Variants in CLEC1A observed in about 807,000 individuals in gnomAD.
CLEC1A encodes C-type lectin domain family 1 member A, also known as C-type lectin-like receptor-1.
Under a neutral mutation model 28.7 loss-of-function variants are expected in CLEC1A, and 34 were observed. That is an observed-to-expected ratio of 1.18 (90% CI 0.90 to 1.57). The LOEUF is 1.57. Among genes scored for constraint, CLEC1A ranks in the 40% most tolerant of loss-of-function variants. The pLI, the probability that CLEC1A is intolerant of heterozygous loss-of-function variation, is 0.00. For missense variants in CLEC1A, 385 were observed against 339.5 expected (o/e 1.13, Z -1.05); for synonymous variants, 116 against 121.0 (o/e 0.96, Z 0.27).
Position 10,098,977 on chromosome 12 carries a change from G to A in CLEC1A, c.-55C>T. The stretch of plus-strand genomic sequence containing the variant: ...GTGGTCGGATTGCCCTGGGCCGCCG[G>A]GCTACTGTGAGCTAGTTCAGGAAGC... On this transcript the variant is annotated 5_prime_UTR_variant, in exon 1 of 6. Coordinates refer to ENST00000315330, the MANE Select transcript of CLEC1A (RefSeq NM_016511.4). 7.5e-7 allele frequency: 1 copy of A among 1,328,922 alleles called. No homozygotes were observed. The highest frequency in any genetic ancestry group is 2.4e-5 in the East Asian group (1 of 40,998). The allele number at this position is 1,328,922 out of a possible 1,614,324, so 82.3% of individuals were successfully genotyped here.
intron 2 of CLEC1A, among the ~76,000 whole-genome samples, chr12:10,082,840 C>T (rs1866400307): frequency 6.6e-6 from 1 of 152,228 alleles, no homozygotes. Context: ...CCTGGCTAAC[C>T]AGAGGTCCTG....
At chr12:10,097,914 T>C (rs374305068) in intron 1 of CLEC1A, among the ~76,000 whole-genome samples, 1 of 9,432 alleles carries the variant, frequency 1.1e-4, no homozygotes, top group Admixed American at 5.0e-4. Context: ...GGTAGTTTAG[T>C]TAAAAAAAAA....
chr12:10,075,359 G>T, intron 4 of CLEC1A, 145 bp downstream of exon 4: 1 of 737,364 alleles, frequency 1.4e-6, no homozygotes. Context: ...ACCGTTCAAA[G>T]CAATAGGAAT....
chr12:10,075,638 A>C lies in CLEC1A; in HGVS notation c.409T>G (p.Cys137Gly). 6.2e-7 allele frequency: 1 copy of C among 1,613,896 alleles called. No individual in the cohort carries two copies. Residue 137 changes from cysteine to glycine, a missense_variant, in exon 4 of 6, where the codon TGT (cysteine) becomes GGT (glycine). Coordinates refer to ENST00000315330, the MANE Select transcript of CLEC1A (RefSeq NM_016511.4). Reference protein sequence around the residue: ...NKAGAHRCSPCTEQWKWHGDN... With the variant: ...NKAGAHRCSPGTEQWKWHGDN... ...CCATGCCATTTCCATTGTTCTGTAC[A>C]AGGGCTGCACCTGTGTGCTTGGAAA...
At chr12:10,073,211 A>C in intron 5 of CLEC1A, 82 bp downstream of exon 5, 1 of 995,264 alleles carries the variant, frequency 1.0e-6, no homozygotes, top group Non-Finnish European at 1.6e-6. Context: ...TTAATACTTG[A>C]TGGACCAAAT....
rs535626443 is a variant in CLEC1A at position 10,071,629 on chromosome 12, C to G, written c.663-116G>C. On this transcript the variant is annotated intron_variant, in intron 5 of 5. Transcript: ENST00000315330. ...AGTCTAGATACCAGAATAAGTTTAC[C>G]GGGAAACTGGGGTCATGTGCCTCTT... 4.8e-6 allele frequency: 4 copies of G among 840,600 alleles called. No homozygotes were observed. In the East Asian group the frequency reaches 9.2e-5, roughly 19 times the overall value. The allele number at this position is 840,600 out of a possible 1,614,324, so 52.1% of individuals were successfully genotyped here.
chr12:10,097,915 T>TAAAAAAAAAAAAAAAA lies in CLEC1A; in HGVS notation c.115+892_115+893insTTTTTTTTTTTTTTTT, dbSNP rs11453815. On this transcript the variant is annotated intron_variant, in intron 1 of 5. Coordinates refer to ENST00000315330, the MANE Select transcript of CLEC1A (RefSeq NM_016511.4). ...TTAACAGCTTACTGGGTAGTTTAGT[T>TAAAAAAAAAAAAAAAA]AAAAAAAAAAAAAGCCATATTAGTA... 3.4e-5 allele frequency among the ~76,000 whole-genome samples: 4 copies of TAAAAAAAAAAAAAAAA among 117,878 alleles called. 2 individuals are homozygous for TAAAAAAAAAAAAAAAA. The highest frequency in any genetic ancestry group is 6.3e-5 in the African/African-American group (2 of 31,648). 77.3% of individuals were successfully genotyped at this position (117,878 alleles called of 152,430 possible).
intron 2 of CLEC1A, among the ~76,000 whole-genome samples, chr12:10,081,686 C>T (rs1866375715): frequency 6.6e-6 from 1 of 150,434 alleles, no homozygotes; most frequent in Non-Finnish European, 1.5e-5. Flanking sequence ...GACAACAGAA[C>T]AGGGTGAGGA....
chr12:10,075,867 A>G (rs1866242343), intron 3 of CLEC1A, among the ~76,000 whole-genome samples: 1 of 152,200 alleles, frequency 6.6e-6, no homozygotes, highest in Non-Finnish European at 1.5e-5. Flanking sequence ...AAATTAAAAC[A>G]GACACTAATT....
At chr12:10,096,298 A>G in intron 1 of CLEC1A, among the ~76,000 whole-genome samples, 1 of 152,180 alleles carries the variant, frequency 6.6e-6, no homozygotes, top group African/African-American at 2.4e-5. Context: ...GAACCTAGTC[A>G]ACCTACCACC....
intron 4 of CLEC1A, among the ~76,000 whole-genome samples, chr12:10,073,884 G>A (rs1271214945): frequency 6.6e-6 from 1 of 152,160 alleles, no homozygotes; most frequent in Non-Finnish European, 1.5e-5. Context: ...TCTTAGACTA[G>A]GAAGAGAAGA....
chr12:10,075,399 G>A (rs1045497632), intron 4 of CLEC1A, 105 bp downstream of exon 4: 18 of 1,263,110 alleles, frequency 1.4e-5, no homozygotes, highest in Middle Eastern at 5.1e-4. Context: ...AAACAGGTTC[G>A]AAAACCTGTG....
chr12:10,072,017 T>C (rs1202738353), intron 5 of CLEC1A, among the ~76,000 whole-genome samples: 3 of 152,160 alleles, frequency 2.0e-5, no homozygotes, highest in East Asian at 3.9e-4. Flanking sequence ...TTAGTTGAAA[T>C]GTTATCCCCA....
intron 1 of CLEC1A, among the ~76,000 whole-genome samples, chr12:10,090,716 C>T (rs10772234): frequency 0.8 from 120,971 of 152,038 alleles, 49,361 homozygotes; most frequent in Middle Eastern, 0.88. Flanking sequence ...CATACTGATA[C>T]ATTTTTAAAT....
At chr12:10,095,354 C>A (rs536324896) in intron 1 of CLEC1A, among the ~76,000 whole-genome samples, 19 of 109,692 alleles carry the variant, frequency 1.7e-4, no homozygotes, top group Admixed American at 1.3e-3. Context: ...AATTTAGTCT[C>A]TGGCAGGAAT....
At chr12:10,088,365 T>C (rs1345192503) in intron 2 of CLEC1A, among the ~76,000 whole-genome samples, 1 of 152,062 alleles carries the variant, frequency 6.6e-6, no homozygotes, top group Non-Finnish European at 1.5e-5. Flanking sequence ...AGTATTAAAA[T>C]TCCTATAAAA....
At position 10,071,489 on chromosome 12, in the gene CLEC1A, G is replaced by A. The variant is rs753580135; in HGVS notation, c.687C>T (p.Thr229=). 2.9e-5 allele frequency: 47 copies of A among 1,609,954 alleles called. No individual in the cohort carries two copies. The highest frequency in any genetic ancestry group is 4.0e-5 in the Non-Finnish European group (47 of 1,178,088). The change falls in exon 6 of 6, where the codon ACC becomes ACT. Residue 229 remains threonine, a synonymous_variant. Transcript: ENST00000315330. ...SELFHIIIDV[T]SPRSRDCVAI... ...CCACACAGTCTCTGCTTCTTGGGCTGGTGACATCTATTATAATATGGAACC... is the reference window on the plus strand; with the variant it reads ...CCACACAGTCTCTGCTTCTTGGGCTAGTGACATCTATTATAATATGGAACC...
intron 4 of CLEC1A, 100 bp downstream of exon 4, chr12:10,075,404 C>A: frequency 7.6e-7 from 1 of 1,323,682 alleles, no homozygotes; most frequent in Non-Finnish European, 1.1e-6. Context: ...GGTTCGAAAA[C>A]CTGTGGACCG....
At position 10,071,475 on chromosome 12, in the gene CLEC1A, C is replaced by T. The variant is rs1866131254; in HGVS notation, c.701G>A (p.Arg234Lys). ...IIIDVTSPRSRDCVAILNGMI... is the reference protein window; with the variant it reads ...IIIDVTSPRSKDCVAILNGMI... ...CCCATTAAGGATGGCCACACAGTCT[C>T]TGCTTCTTGGGCTGGTGACATCTAT... The change falls in exon 6 of 6, where the codon AGA (arginine) becomes AAA (lysine). Residue 234 changes from arginine to lysine, a missense_variant. Coordinates refer to ENST00000315330, the MANE Select transcript of CLEC1A (RefSeq NM_016511.4). 4 of 1,613,096 alleles carry T rather than the reference C, an allele frequency of 2.5e-6. No homozygotes were observed. Among genetic ancestry groups the T allele is most frequent in the Non-Finnish European group, 2.5e-6 (3 of 1,179,486 alleles).
Sources: allele counts gnomAD v4.1 joint callset (sites outside exome capture counted in the v4.1 genomes callset), GRCh38; gene constraint gnomAD v4.1.1; transcripts MANE v1.5; gene names NCBI Gene and HGNC (gene_info 2026-07-23, HGNC 2026-07-21).